Variants in ASTN2 observed in about 807,000 individuals in gnomAD.
ASTN2 encodes astrotactin 2, also known as astrotactin-2.
A neutral mutation model predicts 139.8 loss-of-function variants in ASTN2; 54 were observed. The observed-to-expected ratio is 0.39, with a 90% CI of 0.31 to 0.48. The LOEUF (loss-of-function observed/expected upper bound fraction) is 0.48. ASTN2 is among the 20% of genes least tolerant of loss of function. The probability of loss-of-function intolerance (pLI) is 0.95; values close to 1 mark genes in which losing one functional copy is unlikely to be tolerated. For synonymous variants in ASTN2, 756 were observed against 719.5 expected (o/e 1.05, Z -0.81); for missense variants, 1,565 against 1,725.1 (o/e 0.91, Z 1.64).
intron 6 of ASTN2, among the ~76,000 whole-genome samples, chr9:117,015,610 C>T (rs556582656): frequency 1.3e-4 from 20 of 152,246 alleles, no homozygotes; most frequent in African/African-American, 4.3e-4. Context: ...ACACTTCCAA[C>T]ATCACTGGAT....
chr9:117,023,573 T>C lies in ASTN2; in HGVS notation c.1424-15314A>G, dbSNP rs564884808. Among the ~76,000 whole-genome samples the C allele has an allele frequency of 7.2e-5, 11 of 152,250 alleles. No homozygotes were observed. In the East Asian group the frequency reaches 2.1e-3, roughly 29 times the overall value. ...ACTTACTTTATTTTGCTAATTTGCT[T>C]TGGTGTTCGTCTCCTGCTGAGAATG... On this transcript the variant is annotated intron_variant, in intron 6 of 22. Transcript: ENST00000313400.
At chr9:116,748,559 C>T (rs568578560) in intron 13 of ASTN2, among the ~76,000 whole-genome samples, 8 of 152,338 alleles carry the variant, frequency 5.3e-5, no homozygotes, top group African/African-American at 1.7e-4. Context: ...CTCTATCTCA[C>T]ACCAACATTT....
At chr9:116,928,843 G>A (rs184545892) in intron 10 of ASTN2, among the ~76,000 whole-genome samples, 1 of 152,188 alleles carries the variant, frequency 6.6e-6, no homozygotes, top group Admixed American at 6.5e-5. Context: ...TGTACTATGA[G>A]TTTTTTATGC....
chr9:116,817,391 G>T (rs953055969), intron 12 of ASTN2, among the ~76,000 whole-genome samples: 1 of 152,142 alleles, frequency 6.6e-6, no homozygotes. Context: ...CTCAGAGAAG[G>T]CTTGCTGAAA....
intron 7 of ASTN2, among the ~76,000 whole-genome samples, chr9:117,002,858 A>G (rs1172637118): frequency 2.6e-5 from 4 of 152,204 alleles, no homozygotes; most frequent in Non-Finnish European, 5.9e-5. Flanking sequence ...GAACAAAGCC[A>G]TGACATATGG....
chr9:117,282,630 T>C (rs1227364610), intron 2 of ASTN2, among the ~76,000 whole-genome samples: 1 of 149,696 alleles, frequency 6.7e-6, no homozygotes, highest in African/African-American at 2.6e-5. Flanking sequence ...CTTTGGCCGA[T>C]AGAATGTGAG....
chr9:116,860,751 C>T (rs1832855537), intron 11 of ASTN2, among the ~76,000 whole-genome samples: 1 of 152,196 alleles, frequency 6.6e-6, no homozygotes, highest in East Asian at 1.9e-4. Flanking sequence ...GCTTCCTGAG[C>T]CTGTTTCCAC....
At position 117,338,753 on chromosome 9, in the gene ASTN2, C is replaced by CT. The variant is rs541285454; in HGVS notation, c.443-47241dup. ...AAGTAATTTTTTTTTTTGCCATTATCTTTTTTTTTGCCATTATCTTTAATA... is the reference window on the plus strand; with the variant it reads ...AAGTAATTTTTTTTTTTGCCATTATCTTTTTTTTTTGCCATTATCTTTAATA... On this transcript the variant is annotated intron_variant, in intron 1 of 22. Transcript: ENST00000313400. Among the ~76,000 whole-genome samples, 48 of 150,294 alleles carry CT rather than the reference C, an allele frequency of 3.2e-4. No homozygotes were observed. The East Asian group carries it at 6.5e-3, about 20-fold the overall frequency.
At chr9:116,556,972 T>C (rs1352498068) in intron 19 of ASTN2, among the ~76,000 whole-genome samples, 1 of 151,848 alleles carries the variant, frequency 6.6e-6, no homozygotes, top group Non-Finnish European at 1.5e-5. Context: ...TTAAACTCCA[T>C]GATATATTGG....
chr9:116,885,680 AAAAC>A (rs1175573753), intron 10 of ASTN2, among the ~76,000 whole-genome samples: 1 of 152,128 alleles, frequency 6.6e-6, no homozygotes, highest in Non-Finnish European at 1.5e-5. Flanking sequence ...AAAACAAAAC[AAAAC>A]AAACAAACAA....
rs116671590 is a variant in ASTN2, at chr9:116,601,977, G to A, written c.3355+16347C>T. The stretch of plus-strand genomic sequence containing the variant: ...ATAAGGAGCTTCAAGATAAAGAACA[G>A]ATAAAGGGACCCTGCAAGAGAGGCT... On this transcript the variant is annotated intron_variant, in intron 19 of 22. Coordinates refer to ENST00000313400, the MANE Select transcript of ASTN2 (RefSeq NM_001365068.1). Among the ~76,000 whole-genome samples, 971 of 152,298 alleles carry A rather than the reference G, an allele frequency of 6.4e-3. 7 individuals carry two copies. The highest frequency in any genetic ancestry group is 0.023 in the African/African-American group (936 of 41,570).
intron 16 of ASTN2, among the ~76,000 whole-genome samples, chr9:116,659,970 T>C (rs778693931): frequency 1.3e-5 from 2 of 152,186 alleles, no homozygotes; most frequent in Non-Finnish European, 2.9e-5. Flanking sequence ...CTTTATGCTA[T>C]TAGATGTCTT....
At chr9:116,513,168 T>C (rs905744689) in intron 19 of ASTN2, among the ~76,000 whole-genome samples, 5 of 152,194 alleles carry the variant, frequency 3.3e-5, no homozygotes, top group African/African-American at 7.2e-5. Flanking sequence ...TTAGTTCTTC[T>C]TTCAGGAGCT....
intron 11 of ASTN2, among the ~76,000 whole-genome samples, chr9:116,861,696 C>A (rs1479305575): frequency 6.6e-6 from 1 of 152,178 alleles, no homozygotes; most frequent in Non-Finnish European, 1.5e-5. Flanking sequence ...CTGGGATGAG[C>A]CCAGTTAATC....
intron 12 of ASTN2, among the ~76,000 whole-genome samples, chr9:116,809,067 A>AT (rs1276376693): frequency 6.6e-6 from 1 of 151,716 alleles, no homozygotes; most frequent in Non-Finnish European, 1.5e-5. Context: ...ATATATTAAA[A>AT]TTTTTTTCCA....
chr9:117,114,641 T>C (rs969317498), intron 4 of ASTN2, among the ~76,000 whole-genome samples: 7 of 152,202 alleles, frequency 4.6e-5, no homozygotes, highest in Non-Finnish European at 1.0e-4. Context: ...TACATAGCCC[T>C]GAAATTCTTG....
At chr9:116,864,698 A>G (rs1832973937) in intron 10 of ASTN2, among the ~76,000 whole-genome samples, 1 of 152,180 alleles carries the variant, frequency 6.6e-6, no homozygotes, top group African/African-American at 2.4e-5. Flanking sequence ...TGAGGCCCAG[A>G]GCTGTGAAGC....
At chr9:117,332,491 G>A (rs1234389352) in intron 1 of ASTN2, among the ~76,000 whole-genome samples, 1 of 152,200 alleles carries the variant, frequency 6.6e-6, no homozygotes, top group African/African-American at 2.4e-5. Context: ...GCTTGAGCCA[G>A]AGAGGCAGAG....
intron 13 of ASTN2, among the ~76,000 whole-genome samples, chr9:116,791,510 T>C (rs891606080): frequency 6.6e-6 from 1 of 152,184 alleles, no homozygotes; most frequent in Non-Finnish European, 1.5e-5. Flanking sequence ...ATTAGTGCAT[T>C]AGCAGTGTAA....
Sources: gnomAD v4.1 joint callset for allele counts (sites outside exome capture counted in the v4.1 genomes callset) on GRCh38, gnomAD v4.1.1 for gene constraint, MANE v1.5 for transcripts, NCBI Gene and HGNC (gene_info 2026-07-23, HGNC 2026-07-21) for gene names.